The following C2CD3 variants were observed in gnomAD, a reference collection of about 807,000 sequenced individuals.
C2CD3 encodes C2 domain-containing protein 3.
Under a neutral mutation model 234.0 loss-of-function variants are expected in C2CD3, and 148 were observed. That is an observed-to-expected ratio of 0.63 (90% CI 0.55 to 0.72). The LOEUF is 0.72. Among genes scored for constraint, C2CD3 ranks in the 30% least tolerant of loss-of-function variants. The pLI is 0.00. For missense variants in C2CD3, 2,577 were observed against 2,811.5 expected, an observed-to-expected ratio of 0.92 and a Z score of 1.89; for synonymous variants, 1,000 against 1,035.4, an observed-to-expected ratio of 0.97 and a Z score of 0.66.
At chr11:74,065,548 C>A (rs1954481438) in intron 24 of C2CD3, among the ~76,000 whole-genome samples, 1 of 152,126 alleles carries the variant, frequency 6.6e-6, no homozygotes, top group African/African-American at 2.4e-5. Flanking sequence ...TTTGACCCAG[C>A]CATCCTATTA....
At chr11:74,022,349 G>A (rs1016654910) in intron 32 of C2CD3, among the ~76,000 whole-genome samples, 2 of 152,144 alleles carry the variant, frequency 1.3e-5, no homozygotes, top group Admixed American at 6.5e-5. Context: ...GGATGCAGGT[G>A]GCAGAGGAAG....
chr11:74,152,515 T>G (rs1855732684), intron 3 of C2CD3, among the ~76,000 whole-genome samples: 1 of 152,222 alleles, frequency 6.6e-6, no homozygotes, highest in Admixed American at 6.5e-5. Context: ...GGAGGAACTC[T>G]TCTAAAATCA....
At chr11:74,136,611 G>A (rs1957869387) in intron 5 of C2CD3, among the ~76,000 whole-genome samples, 1 of 152,176 alleles carries the variant, frequency 6.6e-6, no homozygotes, top group Non-Finnish European at 1.5e-5. Context: ...ACTTTTGTAA[G>A]ATTATGTATA....
Position 74,116,983 on chromosome 11 carries a change from T to G in C2CD3, c.1520+1245A>C, listed in dbSNP as rs56318855. 5.2e-5 allele frequency among the ~76,000 whole-genome samples: 6 copies of G among 115,154 alleles called. No homozygotes were observed. The South Asian group carries it at 1.5e-3, about 29-fold the overall frequency. 75.5% of individuals were successfully genotyped at this position (115,154 alleles called of 152,430 possible). On this transcript the variant is annotated intron_variant, in intron 9 of 32. Transcript: ENST00000334126. ...GTATATACACATATACACGTATATA[T>G]ACACATATACGTGTATATGTATATA...
At chr11:74,162,385 C>A (rs1047315452) in intron 2 of C2CD3, among the ~76,000 whole-genome samples, 64 of 152,158 alleles carry the variant, frequency 4.2e-4, no homozygotes, top group African/African-American at 1.5e-3. Flanking sequence ...TAAATATATT[C>A]TTGTGTAAAG....
chr11:74,115,367 A>T (rs905792848), intron 9 of C2CD3, among the ~76,000 whole-genome samples: 2 of 152,142 alleles, frequency 1.3e-5, no homozygotes, highest in African/African-American at 2.4e-5. Context: ...TCAGTTACCC[A>T]CTATTCTAAT....
chr11:74,034,997 A>T (rs893471616), intron 30 of C2CD3, among the ~76,000 whole-genome samples: 8 of 152,244 alleles, frequency 5.3e-5, no homozygotes, highest in Non-Finnish European at 8.8e-5. Flanking sequence ...TAGTCATCTC[A>T]AATTATTTTT....
intron 3 of C2CD3, among the ~76,000 whole-genome samples, chr11:74,142,858 A>G (rs908929665): frequency 5.9e-5 from 9 of 152,136 alleles, no homozygotes; most frequent in Admixed American, 2.0e-4. Flanking sequence ...TGCCTCCCCA[A>G]TCATGATTCA....
intron 12 of C2CD3, 87 bp from the exon 13 acceptor site, chr11:74,106,580 T>C: frequency 1.6e-6 from 2 of 1,232,802 alleles, no homozygotes; most frequent in Non-Finnish European, 2.3e-6. Context: ...TGATGGCTTA[T>C]AAAGGAAACC....
chr11:74,084,284 G>A (rs898624424), intron 22 of C2CD3, among the ~76,000 whole-genome samples: 2 of 151,976 alleles, frequency 1.3e-5, no homozygotes, highest in African/African-American at 4.8e-5. Context: ...TACACCCCAG[G>A]GCCTGTCATG....
intron 13 of C2CD3, among the ~76,000 whole-genome samples, chr11:74,105,090 A>G (rs950706105): frequency 2.6e-5 from 4 of 152,206 alleles, no homozygotes; most frequent in Non-Finnish European, 4.4e-5. Context: ...TCAATAACAA[A>G]AACACAGAGG....
chr11:74,168,087 T>C (rs1382751742), intron 2 of C2CD3: 5 of 382,718 alleles, frequency 1.3e-5, no homozygotes, highest in Non-Finnish European at 1.9e-5. Context: ...TCCAACTTGT[T>C]TAATTGTCTA....
intron 32 of C2CD3, among the ~76,000 whole-genome samples, chr11:74,023,184 G>A (rs1952157252): frequency 6.6e-6 from 1 of 152,210 alleles, no homozygotes; most frequent in African/African-American, 2.4e-5. Context: ...ATCAGGTCTT[G>A]TCTTCGATCA....
intron 7 of C2CD3, among the ~76,000 whole-genome samples, chr11:74,127,581 T>C (rs1017363703): frequency 1.3e-5 from 2 of 152,156 alleles, no homozygotes; most frequent in South Asian, 2.1e-4. Context: ...CTTGGGTATA[T>C]AGCTAGGAGT....
In C2CD3 at chr11:74,117,361, A is replaced by AATATATATATATATATATAT. The variant is rs71469494; in HGVS notation, c.1520+847_1520+866dup. On this transcript the variant is annotated intron_variant, in intron 9 of 32. Coordinates refer to ENST00000334126, the MANE Select transcript of C2CD3 (RefSeq NM_001286577.2). ...ACATCGTCTAAGTCATTTGGCCTCA[A>AATATATATATATATATATAT]ATATATATATATATATATATATATA... 2.4e-3 allele frequency among the ~76,000 whole-genome samples: 223 copies of AATATATATATATATATATAT among 94,802 alleles called. 4 individuals are homozygous for AATATATATATATATATATAT. Among genetic ancestry groups the AATATATATATATATATATAT allele is most frequent in the African/African-American group, 6.8e-3 (167 of 24,620 alleles). The allele number at this position is 94,802 out of a possible 152,430, so 62.2% of individuals were successfully genotyped here.
chr11:74,090,155 T>C (rs1955820299), intron 20 of C2CD3, among the ~76,000 whole-genome samples: 2 of 151,420 alleles, frequency 1.3e-5, no homozygotes, highest in Admixed American at 6.6e-5. Flanking sequence ...ATCACAAAGA[T>C]AGATGGGGGG....
chr11:74,140,543 C>T (rs563114778), intron 3 of C2CD3, among the ~76,000 whole-genome samples: 3 of 152,156 alleles, frequency 2.0e-5, no homozygotes, highest in East Asian at 1.9e-4. Context: ...TACCCTAATT[C>T]GAAGATTCTT....
intron 32 of C2CD3, among the ~76,000 whole-genome samples, chr11:74,018,587 G>GGGCTCAATATAGCT (rs1369133211): frequency 6.6e-6 from 1 of 152,172 alleles, no homozygotes; most frequent in Non-Finnish European, 1.5e-5. Context: ...GGCCGAGTGA[G>GGGCTCAATATAGCT]GGCTCAATAT....
Position 74,085,865 on chromosome 11 carries a change from G to T in C2CD3, c.3663C>A (p.Pro1221=). 6.2e-7 allele frequency: 1 copy of T among 1,613,280 alleles called. No homozygotes were observed. Among genetic ancestry groups the T allele is most frequent in the East Asian group, 2.2e-5 (1 of 44,838 alleles). The change falls in exon 21 of 33, where the codon CCC becomes CCA. Residue 1221 remains proline (P), a synonymous_variant. Transcript: ENST00000334126. The stretch of plus-strand genomic sequence containing the variant: ...CGACTGTGGCACTAAACTGTAGAGC[G>T]GGTTCCCGTTCAGCCAAAGCCCTGT... ...AAAKALAERE[P]ALQFSATVGV...
Sources: gnomAD v4.1 joint callset for allele counts (sites outside exome capture counted in the v4.1 genomes callset) on GRCh38, gnomAD v4.1.1 for gene constraint, MANE v1.5 for transcripts, NCBI Gene and HGNC (gene_info 2026-07-23, HGNC 2026-07-21) for gene names.